The following EPHB1 variants were observed in gnomAD, a reference collection of about 807,000 sequenced individuals.
The protein encoded by EPHB1 is ephrin type-B receptor 1.
A neutral mutation model predicts 94.4 loss-of-function variants in EPHB1; 30 were observed. The ratio of observed to expected loss-of-function variants is 0.32; its 90% CI spans 0.24 to 0.43. The LOEUF (loss-of-function observed/expected upper bound fraction) is 0.43, where lower values mean the gene tolerates loss of function less well. Among genes scored for constraint, EPHB1 ranks in the 20% least tolerant of loss-of-function variants. EPHB1 has a pLI of 1.00. For synonymous variants in EPHB1, 522 were observed against 489.1 expected (o/e 1.07, Z -0.89); for missense variants, 1,055 against 1,308.3 (o/e 0.81, Z 2.99).
intron 3 of EPHB1, among the ~76,000 whole-genome samples, chr3:134,999,394 C>A (rs896393461): frequency 6.6e-6 from 1 of 152,150 alleles, no homozygotes; most frequent in Non-Finnish European, 1.5e-5. Flanking sequence ...TGAGTCTAAT[C>A]TGAAGAGGAT....
At chr3:134,799,360 A>G (rs887128606) in intron 1 of EPHB1, among the ~76,000 whole-genome samples, 1 of 152,202 alleles carries the variant, frequency 6.6e-6, no homozygotes, top group Non-Finnish European at 1.5e-5. Context: ...TACAAGCAGT[A>G]GCAGGCACCA....
At chr3:135,011,190 G>C (rs2107748889) in intron 3 of EPHB1, among the ~76,000 whole-genome samples, 1 of 152,352 alleles carries the variant, frequency 6.6e-6, no homozygotes, top group Middle Eastern at 3.4e-3. Flanking sequence ...CATTGCTTCA[G>C]TGTCTTATGG....
At chr3:135,122,927 C>T (rs1940034051) in intron 4 of EPHB1, among the ~76,000 whole-genome samples, 1 of 152,154 alleles carries the variant, frequency 6.6e-6, no homozygotes, top group Non-Finnish European at 1.5e-5. Context: ...TTCCAAGACC[C>T]TAATGAGCAA....
chr3:134,944,662 C>T (rs1166693473), intron 2 of EPHB1, among the ~76,000 whole-genome samples: 1 of 152,134 alleles, frequency 6.6e-6, no homozygotes, highest in South Asian at 2.1e-4. Context: ...ACTGTATTGT[C>T]CAAAGGCCAG....
At chr3:135,148,957 T>C (rs1187312410) in intron 5 of EPHB1, among the ~76,000 whole-genome samples, 2 of 152,226 alleles carry the variant, frequency 1.3e-5, no homozygotes, top group African/African-American at 4.8e-5. Flanking sequence ...GAACCCTAGT[T>C]GATTTTTCCT....
At chr3:135,019,248 A>C (rs1433887057) in intron 3 of EPHB1, among the ~76,000 whole-genome samples, 2 of 152,052 alleles carry the variant, frequency 1.3e-5, no homozygotes, top group Admixed American at 6.5e-5. Context: ...ATCCCATCAC[A>C]AAGCAGTCTT....
intron 9 of EPHB1, among the ~76,000 whole-genome samples, chr3:135,171,337 G>A (rs1467423994): frequency 6.6e-6 from 1 of 152,222 alleles, no homozygotes; most frequent in Non-Finnish European, 1.5e-5. Context: ...CCAAAAGAAA[G>A]TAGGTTAGTG....
intron 3 of EPHB1, among the ~76,000 whole-genome samples, chr3:135,037,951 C>T (rs899371966): frequency 1.3e-5 from 2 of 152,202 alleles, no homozygotes; most frequent in Non-Finnish European, 1.5e-5. Flanking sequence ...TTAGGCTCTA[C>T]CCTTTTCTTA....
At chr3:135,162,293 G>A in intron 7 of EPHB1, 113 bp downstream of exon 7, 1 of 1,249,136 alleles carries the variant, frequency 8.0e-7, no homozygotes, top group Non-Finnish European at 1.1e-6. Flanking sequence ...GGATTCCAGT[G>A]GAATTCCCTT....
chr3:135,004,992 T>C (rs955035693), intron 3 of EPHB1, among the ~76,000 whole-genome samples: 11 of 152,256 alleles, frequency 7.2e-5, no homozygotes, highest in Non-Finnish European at 1.2e-4. Flanking sequence ...CTTTGTTCCG[T>C]TGCTGGTGAG....
Position 135,208,202 on chromosome 3 carries a change from G to A in EPHB1, c.2346+6513G>A, listed in dbSNP as rs1286274787. 7.9e-5 allele frequency among the ~76,000 whole-genome samples: 12 copies of A among 152,168 alleles called. No individual in the cohort carries two copies. In the East Asian group the frequency reaches 2.3e-3, roughly 29 times the overall value. The stretch of plus-strand genomic sequence containing the variant: ...GGAGATTTAGGGAGGAAGCATCCAA[G>A]GAGGCCTGTAGCAGTCCATCATGTA... On this transcript the variant is annotated intron_variant, in intron 12 of 15. Coordinates refer to ENST00000398015, the MANE Select transcript of EPHB1 (RefSeq NM_004441.5).
At chr3:135,133,075 T>C in intron 5 of EPHB1, 26 bp downstream of exon 5, 3 of 1,544,792 alleles carry the variant, frequency 1.9e-6, no homozygotes, top group Non-Finnish European at 2.6e-6. Context: ...TCTGTGCTCC[T>C]GTTTGGATGT....
chr3:134,888,706 C>A (rs1312276476), intron 1 of EPHB1, among the ~76,000 whole-genome samples: 521 of 109,162 alleles, frequency 4.8e-3, no homozygotes, highest in East Asian at 8.3e-3. Flanking sequence ...GACTCCATCT[C>A]AAAAAAAAAA....
At chr3:134,947,799 T>C (rs551369239) in intron 2 of EPHB1, among the ~76,000 whole-genome samples, 6 of 152,314 alleles carry the variant, frequency 3.9e-5, no homozygotes, top group Non-Finnish European at 7.3e-5. Flanking sequence ...CTGCTTATTT[T>C]ATTTTATTTT....
chr3:135,037,490 A>C (rs565573686), intron 3 of EPHB1, among the ~76,000 whole-genome samples: 1 of 152,312 alleles, frequency 6.6e-6, no homozygotes, highest in South Asian at 2.1e-4. Context: ...CCAACATAAA[A>C]CCGTTGGAAG....
chr3:134,906,562 T>C (rs1371597457), intron 1 of EPHB1, among the ~76,000 whole-genome samples: 2 of 152,208 alleles, frequency 1.3e-5, no homozygotes, highest in Non-Finnish European at 2.9e-5. Flanking sequence ...CCCTTCACTA[T>C]CTAGTGGTGG....
At chr3:135,233,734 G>A (rs565902281) in intron 12 of EPHB1, among the ~76,000 whole-genome samples, 2 of 152,322 alleles carry the variant, frequency 1.3e-5, no homozygotes, top group Admixed American at 6.5e-5. Flanking sequence ...GGACATGCAG[G>A]CATTTCCATA....
chr3:135,256,530 A>G (rs1933396187), intron 15 of EPHB1, among the ~76,000 whole-genome samples: 1 of 152,250 alleles, frequency 6.6e-6, no homozygotes, highest in East Asian at 1.9e-4. Context: ...TTTCTTTAAG[A>G]ATGTTGAATA....
At chr3:134,803,193 A>T (rs1419673154) in intron 1 of EPHB1, among the ~76,000 whole-genome samples, 1 of 152,178 alleles carries the variant, frequency 6.6e-6, no homozygotes, top group Non-Finnish European at 1.5e-5. Context: ...CACAGATTGC[A>T]CCTGAGGCCC....
Sources: gnomAD v4.1 joint callset for allele counts (sites outside exome capture counted in the v4.1 genomes callset) on GRCh38, gnomAD v4.1.1 for gene constraint, MANE v1.5 for transcripts, NCBI Gene and HGNC (gene_info 2026-07-23, HGNC 2026-07-21) for gene names.